The following HMBOX1 variants were observed in gnomAD, a reference collection of about 807,000 sequenced individuals.
The protein encoded by HMBOX1 is homeobox-containing protein 1.
Under a neutral mutation model 54.5 loss-of-function variants are expected in HMBOX1, and 14 were observed. The ratio of observed to expected loss-of-function variants is 0.26; its 90% CI spans 0.17 to 0.40. HMBOX1 has a LOEUF of 0.40. Among genes scored for constraint, HMBOX1 ranks in the 10% least tolerant of loss-of-function variants. The pLI, the probability that HMBOX1 is intolerant of heterozygous loss-of-function variation, is 1.00. For missense variants in HMBOX1, 332 were observed against 514.4 expected (o/e 0.65, Z 3.43); for synonymous variants, 160 against 181.0 (o/e 0.88, Z 0.93).
intron 1 of HMBOX1, among the ~76,000 whole-genome samples, chr8:28,911,444 C>T (rs1815395747): frequency 6.6e-6 from 1 of 152,178 alleles, no homozygotes; most frequent in African/African-American, 2.4e-5. Context: ...CAACCACTGC[C>T]TCCCGGGTTC....
intron 1 of HMBOX1, among the ~76,000 whole-genome samples, chr8:28,893,864 C>T (rs4732890): frequency 0.62 from 93,814 of 152,012 alleles, 29,349 homozygotes; most frequent in Admixed American, 0.7. Context: ...TTAGGGCTCC[C>T]GTGCAATTTA....
chr8:28,951,361 G>A (rs532685768), intron 1 of HMBOX1, among the ~76,000 whole-genome samples: 5 of 152,170 alleles, frequency 3.3e-5, no homozygotes, highest in Non-Finnish European at 7.3e-5. Flanking sequence ...TCGATCTCTT[G>A]ACCTTATGAT....
chr8:29,049,440 T>G, intron 9 of HMBOX1: 1 of 1,507,748 alleles, frequency 6.6e-7, no homozygotes, highest in Non-Finnish European at 8.9e-7. Flanking sequence ...TGAGAAATAC[T>G]AGGGGCAGCT....
chr8:28,935,488 G>T (rs1407409373), intron 1 of HMBOX1, among the ~76,000 whole-genome samples: 4 of 152,266 alleles, frequency 2.6e-5, no homozygotes, highest in Admixed American at 2.6e-4. Flanking sequence ...ATATCCATTT[G>T]AGGGTAAGGG....
chr8:28,962,897 A>G lies in HMBOX1; in HGVS notation c.-57-914A>G, dbSNP rs138660147. On this transcript the variant is annotated intron_variant, in intron 1 of 9. Coordinates refer to ENST00000287701, the MANE Select transcript of HMBOX1 (RefSeq NM_001135726.3). ...CTCCCCACCTCCCGCCATTTAATGA[A>G]CTCCTAAGCTCCTCTACTGTTGGGA... Among the ~76,000 whole-genome samples, 491 of 151,912 alleles carry G rather than the reference A, an allele frequency of 3.2e-3. 7 individuals carry two copies. Among genetic ancestry groups the G allele is most frequent in the African/African-American group, 0.011 (458 of 41,388 alleles).
In HMBOX1 at chr8:29,012,485, T is replaced by C. The variant is rs1381155373; in HGVS notation, c.697+3303T>C. ...TAAATTTATATGAGGTGATATGGAA[T>C]TCATAAGTAAAAAAGGTACATAACA... is the stretch of plus-strand genomic sequence containing the variant. On this transcript the variant is annotated intron_variant, in intron 5 of 9. Transcript: ENST00000287701. Among the ~76,000 whole-genome samples the C allele has an allele frequency of 3.3e-5, 5 of 152,170 alleles. No homozygotes were observed. The East Asian group carries it at 9.6e-4, about 29-fold the overall frequency.
intron 4 of HMBOX1, among the ~76,000 whole-genome samples, chr8:29,003,165 C>A (rs1006876555): frequency 6.6e-6 from 1 of 150,694 alleles, no homozygotes; most frequent in African/African-American, 2.4e-5. Context: ...TGACATTTGT[C>A]ACAAACATAA....
chr8:28,950,438 C>CACAT (rs1328464664), intron 1 of HMBOX1, among the ~76,000 whole-genome samples: 1 of 152,218 alleles, frequency 6.6e-6, no homozygotes, highest in African/African-American at 2.4e-5. Context: ...GGAATAGGTT[C>CACAT]ACATGTAACT....
chr8:28,916,459 G>A lies in HMBOX1; in HGVS notation c.-58+25781G>A, dbSNP rs74301326. Among the ~76,000 whole-genome samples the A allele has an allele frequency of 9.6e-4, 146 of 152,294 alleles. No individual in the cohort carries two copies. The East Asian group carries it at 0.023, about 24-fold the overall frequency. On this transcript the variant is annotated intron_variant, in intron 1 of 9. Transcript: ENST00000287701. Reference sequence around the variant, plus strand: ...ATTTTTGGGTTTTCCATGTAAGTCTGTGACCCATTTTGAGTTAATGCGTGT... The same window carrying A: ...ATTTTTGGGTTTTCCATGTAAGTCTATGACCCATTTTGAGTTAATGCGTGT...
intron 6 of HMBOX1, among the ~76,000 whole-genome samples, chr8:29,040,592 C>T (rs775300932): frequency 1.4e-4 from 21 of 152,112 alleles, no homozygotes; most frequent in Non-Finnish European, 2.6e-4. Flanking sequence ...TTTGTATACA[C>T]CTCCAGCTAG....
chr8:29,045,425 G>A lies in HMBOX1; in HGVS notation c.916G>A (p.Ala306Thr), dbSNP rs901637957. The change falls in exon 7 of 10, where the codon GCA becomes ACA. Residue 306 changes from alanine to threonine, a missense_variant. This residue lies in a region of HMBOX1 where 117 missense variants were observed against 220.0 expected (regional missense o/e 0.53). Transcript: ENST00000287701. ...GGAAGAAATTGCAAACGCTTGCAAT[G>A]CAGTTATACAGAAGCCAGGTAAGGT... The part of the protein sequence containing the change: ...KREEIANACN[A>T]VIQKPGKKLS... 6.2e-7 allele frequency: 1 copy of A among 1,613,844 alleles called. No individual in the cohort carries two copies. Among genetic ancestry groups the A allele is most frequent in the Non-Finnish European group, 8.5e-7 (1 of 1,179,696 alleles).
chr8:29,009,048 A>G, intron 4 of HMBOX1, 24 bp from the exon 5 acceptor site: 1 of 1,575,928 alleles, frequency 6.3e-7, no homozygotes, highest in Non-Finnish European at 8.7e-7. Flanking sequence ...GTGCCCCCCA[A>G]AACCTATTTC....
intron 1 of HMBOX1, among the ~76,000 whole-genome samples, chr8:28,916,990 C>T (rs1287695069): frequency 2.0e-5 from 3 of 151,058 alleles, no homozygotes; most frequent in Non-Finnish European, 4.4e-5. Context: ...ACACTTGCGC[C>T]CAGGAGGCAG....
At chr8:29,049,253 C>A in intron 9 of HMBOX1, 1 of 1,521,636 alleles carries the variant, frequency 6.6e-7, no homozygotes, top group South Asian at 1.2e-5. Context: ...TGTGAGAGAT[C>A]GTTATTCACC....
At chr8:29,042,557 C>A in intron 6 of HMBOX1, 1 of 441,092 alleles carries the variant, frequency 2.3e-6, no homozygotes, top group Non-Finnish European at 4.5e-6. Context: ...GAATTCCCAA[C>A]AGAAATGAGG....
chr8:28,946,657 C>T (rs1025281264), intron 1 of HMBOX1, among the ~76,000 whole-genome samples: 10 of 151,754 alleles, frequency 6.6e-5, no homozygotes, highest in Non-Finnish European at 1.2e-4. Flanking sequence ...AAAGAGCATG[C>T]GATATAAATT....
chr8:28,968,737 C>T (rs1458132848), intron 2 of HMBOX1, among the ~76,000 whole-genome samples: 1 of 152,292 alleles, frequency 6.6e-6, no homozygotes, highest in East Asian at 1.9e-4. Flanking sequence ...GAAGAAATTT[C>T]TTGACATCTG....
Position 28,995,440 on chromosome 8 carries a change from A to G in HMBOX1, c.587-13632A>G, listed in dbSNP as rs138604088. On this transcript the variant is annotated intron_variant, in intron 4 of 9. Transcript: ENST00000287701. ...GGACATGTGGATTGTTTCACTGGCT[A>G]TTTTCAATAATAATGCTGCTATGAA... Among the ~76,000 whole-genome samples the G allele has an allele frequency of 1.1e-3, 162 of 152,240 alleles. 2 individuals are homozygous for G. The East Asian group carries it at 0.029, about 28-fold the overall frequency.
At chr8:29,049,520 A>C (rs779994728) in intron 9 of HMBOX1, 9 of 1,389,698 alleles carry the variant, frequency 6.5e-6, no homozygotes, top group Non-Finnish European at 8.5e-6. Context: ...GCCCCACTGC[A>C]GTGGGAACCC....
Sources: gnomAD v4.1 joint callset for allele counts (sites outside exome capture counted in the v4.1 genomes callset) on GRCh38, gnomAD v4.1.1 for gene constraint, gnomAD v4.1.1 regional missense constraint, MANE v1.5 for transcripts, NCBI Gene and HGNC (gene_info 2026-07-23, HGNC 2026-07-21) for gene names.